Variants in MEIKIN observed in about 807,000 individuals in gnomAD.
The protein encoded by MEIKIN is meiosis-specific kinetochore protein.
At chr5:131,826,257 G>A (rs1749607060) in intron 11 of MEIKIN, among the ~76,000 whole-genome samples, 1 of 151,762 alleles carries the variant, frequency 6.6e-6, no homozygotes, top group Non-Finnish European at 1.5e-5. Context: ...GAAGAAAAAT[G>A]ATCTGAGACG....
intron 11 of MEIKIN, among the ~76,000 whole-genome samples, chr5:131,837,715 G>C (rs1749834071): frequency 6.6e-6 from 1 of 152,126 alleles, no homozygotes; most frequent in African/African-American, 2.4e-5. Flanking sequence ...TTTGTATCCT[G>C]AGAGTTTGCT....
At chr5:131,890,150 T>A (rs1274219653) in intron 8 of MEIKIN, among the ~76,000 whole-genome samples, 2 of 151,788 alleles carry the variant, frequency 1.3e-5, no homozygotes, top group African/African-American at 4.8e-5. Context: ...AGGATATTGG[T>A]CTAAAATTCT....
Position 131,819,765 on chromosome 5 carries a change from A to ATTTCTT in MEIKIN, c.976-903_976-902insAAGAAA, listed in dbSNP as rs1749453680. 2.1e-3 allele frequency among the ~76,000 whole-genome samples: 135 copies of ATTTCTT among 64,574 alleles called. 2 individuals are homozygous for ATTTCTT. The highest frequency in any genetic ancestry group is 0.01 in the African/African-American group (130 of 12,792). 42.4% of individuals were successfully genotyped at this position (64,574 alleles called of 152,430 possible). Reference sequence around the variant, plus strand: ...TAGGCATGCACCACTACATCCAGCTATTTTTTTTTTTTTTTTTTTTTTTTT... The same window carrying ATTTCTT: ...TAGGCATGCACCACTACATCCAGCTATTTCTTTTTTTTTTTTTTTTTTTTTTTTTTT... On this transcript the variant is annotated intron_variant, in intron 11 of 12. Coordinates refer to ENST00000442687, the MANE Select transcript of MEIKIN (RefSeq NM_001303622.2).
intron 9 of MEIKIN, among the ~76,000 whole-genome samples, chr5:131,864,350 C>A (rs1329160121): frequency 6.6e-6 from 1 of 152,132 alleles, no homozygotes. Flanking sequence ...TTTATAGTTT[C>A]ATGTGTTTTC....
intron 9 of MEIKIN, among the ~76,000 whole-genome samples, chr5:131,860,613 T>TC (rs1187706841): frequency 1.2e-5 from 1 of 81,396 alleles, no homozygotes; most frequent in Non-Finnish European, 3.7e-5. Context: ...CCAGGATAAT[T>TC]TTTTTTTTTA....
At chr5:131,926,495 G>C (rs1751589384) in intron 5 of MEIKIN, among the ~76,000 whole-genome samples, 1 of 152,118 alleles carries the variant, frequency 6.6e-6, no homozygotes, top group Admixed American at 6.5e-5. Flanking sequence ...TCTTACAGTT[G>C]TCTTTGCTTG....
chr5:131,892,177 T>A (rs568027110), intron 8 of MEIKIN, among the ~76,000 whole-genome samples: 28 of 152,304 alleles, frequency 1.8e-4, no homozygotes, highest in African/African-American at 6.3e-4. Context: ...CTTTGGTGAA[T>A]CTGACAACTA....
At chr5:131,892,038 T>C (rs761163268) in intron 8 of MEIKIN, among the ~76,000 whole-genome samples, 1 of 152,142 alleles carries the variant, frequency 6.6e-6, no homozygotes, top group Non-Finnish European at 1.5e-5. Context: ...ATGTTGAATA[T>C]TGGCCCCCAC....
rs182123840 is a variant in MEIKIN at position 131,811,537 on chromosome 5, C to T, written c.1100-4279G>A. On this transcript the variant is annotated intron_variant, in intron 12 of 12. Coordinates refer to ENST00000442687, the MANE Select transcript of MEIKIN (RefSeq NM_001303622.2). ...GGCTAGGCTGTTCTCGAACTCCTGA[C>T]CTCAGGTAATCCGCCCACCTCGGCC... Among the ~76,000 whole-genome samples the T allele has an allele frequency of 5.5e-3, 835 of 152,024 alleles. 5 individuals carry two copies. The highest frequency in any genetic ancestry group is 0.02 in the Middle Eastern group (6 of 294).
intron 8 of MEIKIN, among the ~76,000 whole-genome samples, chr5:131,901,211 T>C (rs1435762598): frequency 1.3e-5 from 2 of 151,972 alleles, no homozygotes; most frequent in African/African-American, 4.8e-5. Flanking sequence ...CTACCAATGC[T>C]CTGTCCCTGT....
At chr5:131,873,555 C>CT (rs1163333929) in intron 9 of MEIKIN, among the ~76,000 whole-genome samples, 1 of 152,132 alleles carries the variant, frequency 6.6e-6, no homozygotes, top group East Asian at 1.9e-4. Context: ...TAATGGGAGA[C>CT]TTTAACACCC....
At chr5:131,858,967 A>G (rs1156457277) in intron 9 of MEIKIN, among the ~76,000 whole-genome samples, 1 of 152,230 alleles carries the variant, frequency 6.6e-6, no homozygotes, top group Non-Finnish European at 1.5e-5. Context: ...ATGCTTATCC[A>G]CTGCTGGTGG....
chr5:131,810,165 T>C (rs1327663852), intron 12 of MEIKIN, among the ~76,000 whole-genome samples: 1 of 152,232 alleles, frequency 6.6e-6, no homozygotes, highest in Non-Finnish European at 1.5e-5. Flanking sequence ...TCATTTGTCA[T>C]ATATCTGTGT....
intron 11 of MEIKIN, among the ~76,000 whole-genome samples, chr5:131,843,850 A>C (rs1749962267): frequency 6.6e-6 from 1 of 152,134 alleles, no homozygotes; most frequent in South Asian, 2.1e-4. Context: ...ATTTTCAGGT[A>C]CCTTTATAGC....
chr5:131,908,604 A>G (rs764871957), intron 8 of MEIKIN, among the ~76,000 whole-genome samples: 1 of 152,188 alleles, frequency 6.6e-6, no homozygotes, highest in Non-Finnish European at 1.5e-5. Context: ...AAAGCAATAA[A>G]GGGCATCTGA....
chr5:131,824,787 T>C (rs939391350), intron 11 of MEIKIN, among the ~76,000 whole-genome samples: 2 of 151,904 alleles, frequency 1.3e-5, no homozygotes, highest in Non-Finnish European at 2.9e-5. Context: ...GAGAATATAA[T>C]AAATAATAGC....
At chr5:131,863,910 C>T (rs1367510521) in intron 9 of MEIKIN, among the ~76,000 whole-genome samples, 2 of 152,114 alleles carry the variant, frequency 1.3e-5, no homozygotes, top group South Asian at 2.1e-4. Context: ...TGCTCCTCCT[C>T]GCCTTCTGCA....
At chr5:131,833,712 C>A (rs1749753102) in intron 11 of MEIKIN, among the ~76,000 whole-genome samples, 1 of 152,114 alleles carries the variant, frequency 6.6e-6, no homozygotes, top group African/African-American at 2.4e-5. Flanking sequence ...AAAGACAAGC[C>A]CCCATGATTC....
At chr5:131,894,182 C>G (rs1399735296) in intron 8 of MEIKIN, among the ~76,000 whole-genome samples, 1 of 152,158 alleles carries the variant, frequency 6.6e-6, no homozygotes, top group Admixed American at 6.5e-5. Flanking sequence ...TTGTTTTTCT[C>G]AGGTTTGTCA....
Sources: allele counts gnomAD v4.1 joint callset (sites outside exome capture counted in the v4.1 genomes callset), GRCh38; gene constraint gnomAD v4.1.1; transcripts MANE v1.5; gene names NCBI Gene and HGNC (gene_info 2026-07-23, HGNC 2026-07-21).